DOK7: variants seen among roughly 807,000 people sequenced by gnomAD.
DOK7 encodes the protein docking protein 7.
In DOK7, 32 loss-of-function variants were observed where a neutral mutation model predicts 30.7. The ratio of observed to expected loss-of-function variants is 1.04; its 90% confidence interval spans 0.79 to 1.40. DOK7 has a LOEUF of 1.40. Ranked by LOEUF, DOK7 falls within the 40% of genes most tolerant of loss-of-function variation. The pLI is 0.00. For synonymous variants in DOK7, 447 were observed against 324.1 expected (o/e 1.38, Z -4.07); for missense variants, 1,007 against 699.2 (o/e 1.44, Z -4.97).
At chr4:3,484,675 C>T (rs1577164330) in intron 4 of DOK7, 1 of 985,504 alleles carries the variant, frequency 1.0e-6, no homozygotes, top group Non-Finnish European at 1.2e-6. Flanking sequence ...CCCTGGGGGC[C>T]CTCCTGCTGC....
chr4:3,473,736 C>A, intron 3 of DOK7, 100 bp downstream of exon 3: 1 of 1,167,750 alleles, frequency 8.6e-7, no homozygotes, highest in Non-Finnish European at 1.2e-6. Flanking sequence ...CTCCAGGGAA[C>A]CGTGCAGGAA....
chr4:3,468,516 ATGAGTG>A (rs1306555298), intron 2 of DOK7, among the ~76,000 whole-genome samples: 1 of 106,812 alleles, frequency 9.4e-6, no homozygotes, highest in African/African-American at 3.9e-5. Flanking sequence ...GTGTGCGTGT[ATGAGTG>A]TGTGTGACTG....
chr4:3,476,653 T>TGGAAATG, intron 4 of DOK7, 111 bp downstream of exon 4: 1 of 1,406,628 alleles, frequency 7.1e-7, no homozygotes, highest in Non-Finnish European at 9.9e-7. Context: ...TGCTGGCATT[T>TGGAAATG]CCAGAATGCG....
At position 3,484,822 on chromosome 4, in the gene DOK7, C is replaced by T. The variant is rs114966369; in HGVS notation, c.533-717C>T. 1.6e-3 allele frequency: 1,578 copies of T among 985,480 alleles called. 20 individuals carry two copies. The African/African-American group carries it at 0.025, about 16-fold the overall frequency. The allele number at this position is 985,480 out of a possible 1,614,324, so 61.0% of individuals were successfully genotyped here. ...AGGACGCGGTGCTGGCCAGCAGTGACGGCTGCAGCATGTGTGGGCAGGTGC... is the reference window on the plus strand; with the variant it reads ...AGGACGCGGTGCTGGCCAGCAGTGATGGCTGCAGCATGTGTGGGCAGGTGC... On this transcript the variant is annotated intron_variant, in intron 4 of 6. Coordinates refer to ENST00000340083, the MANE Select transcript of DOK7 (RefSeq NM_173660.5).
chr4:3,494,223 C>T lies in DOK7; in HGVS notation c.*722C>T, dbSNP rs2699414. 0.11 allele frequency: 104,277 copies of T among 985,402 alleles called. 5,814 individuals are homozygous for T. Among genetic ancestry groups the T allele is most frequent in the East Asian group, 0.24 (2,115 of 8,782 alleles). The allele number at this position is 985,402 out of a possible 1,614,324, so 61.0% of individuals were successfully genotyped here. On this transcript the variant is annotated 3_prime_UTR_variant, in exon 7 of 7. Transcript: ENST00000340083. ...CCCCTGGTGGGAGCTCTGCTGGCTC[C>T]TGTCTGAACCTCCTCGCAGGGCCAA...
At chr4:3,482,677 G>A (rs59259292) in intron 4 of DOK7, among the ~76,000 whole-genome samples, 11,793 of 152,342 alleles carry the variant, frequency 0.077, 780 homozygotes, top group African/African-American at 0.18. Context: ...AATGGGGCAG[G>A]CCCTGTTCTC....
intron 7 of DOK7, chr4:3,500,478 C>T: frequency 1.3e-6 from 2 of 1,512,312 alleles, no homozygotes; most frequent in South Asian, 2.4e-5. Context: ...GAGCCCCCAG[C>T]CCCACCCAGC....
chr4:3,499,249 C>T (rs1729074929), downstream of DOK7, among the ~76,000 whole-genome samples: 1 of 152,188 alleles, frequency 6.6e-6, no homozygotes, highest in Non-Finnish European at 1.5e-5. Flanking sequence ...TCCCAGCCCC[C>T]ACCTGAATTC....
At chr4:3,485,108 G>C (rs1172856515) in intron 4 of DOK7, among the ~76,000 whole-genome samples, 1 of 152,168 alleles carries the variant, frequency 6.6e-6, no homozygotes, top group African/African-American at 2.4e-5. Flanking sequence ...AGTGCCTGCT[G>C]GGTGGCAGAG....
Position 3,489,776 on chromosome 4 carries a change from C to G in DOK7, c.752C>G (p.Ala251Gly), listed in dbSNP as rs376251309. The G allele has an allele frequency of 1.3e-6, 2 of 1,572,516 alleles. No individual in the cohort carries two copies. Among genetic ancestry groups the G allele is most frequent in the Non-Finnish European group, 8.6e-7 (1 of 1,158,704 alleles). The change falls in exon 6 of 7, where the codon GCG becomes GGG. Residue 251 changes from alanine (A) to glycine (G), a missense_variant. Physicochemically the swap from Ala to Gly is moderately conservative, Grantham distance 60. Transcript: ENST00000340083. ...LEKRLSLLSHAGRPGSGGDDR... is the reference protein window; with the variant it reads ...LEKRLSLLSHGGRPGSGGDDR... Reference sequence around the variant, plus strand: ...AAGCGGCTGAGCCTCCTCTCACATGCGGGCAGGCCGGGCAGTGGAGGTAGG... The same window carrying G: ...AAGCGGCTGAGCCTCCTCTCACATGGGGGCAGGCCGGGCAGTGGAGGTAGG...
At chr4:3,468,612 GCC>G (rs1726494324) in intron 2 of DOK7, among the ~76,000 whole-genome samples, 1 of 151,216 alleles carries the variant, frequency 6.6e-6, no homozygotes. Context: ...GTGTGTGCGT[GCC>G]TTTGTGTGTG....
rs566712486 is a variant in DOK7, at chr4:3,485,473, C to T, written c.533-66C>T. On this transcript the variant is annotated intron_variant, in intron 4 of 6. Coordinates refer to ENST00000340083, the MANE Select transcript of DOK7 (RefSeq NM_173660.5). ...GGAGTTTGCTGCGGTTTCCTGTGTTCCTCCTCTTCAGGGTCCCCAGCCCGC... is the reference window on the plus strand; with the variant it reads ...GGAGTTTGCTGCGGTTTCCTGTGTTTCTCCTCTTCAGGGTCCCCAGCCCGC... The T allele has an allele frequency of 5.0e-5, 72 of 1,436,884 alleles. 2 individuals are homozygous for T. The Admixed American group carries it at 1.5e-3, about 30-fold the overall frequency. 89.0% of individuals were successfully genotyped at this position (1,436,884 alleles called of 1,614,324 possible).
At chr4:3,484,428 C>T (rs937031245) in intron 4 of DOK7, 11 of 938,882 alleles carry the variant, frequency 1.2e-5, no homozygotes, top group Non-Finnish European at 1.3e-5. Flanking sequence ...CACCCCGGCG[C>T]CTTCCCTCCT....
intron 6 of DOK7, 48 bp from the exon 7 acceptor site, chr4:3,492,711 C>A: frequency 6.3e-7 from 1 of 1,591,536 alleles, no homozygotes; most frequent in Non-Finnish European, 8.5e-7. Flanking sequence ...ACGTCCTGCC[C>A]AGACCCCTGT....
At chr4:3,497,251 AGTCAGGGTTGGGGTCCAG>A (rs976668976), downstream of DOK7, among the ~76,000 whole-genome samples, 2 of 151,992 alleles carry the variant, frequency 1.3e-5, no homozygotes, top group African/African-American at 4.8e-5. Context: ...GCAGGAAGGC[AGTCAGGGTTGGGGTCCAG>A]GAGCCCCAGC....
chr4:3,476,250 C>CTGCCCACCCTCGATGCCCTCTCACCT (rs1727071136), intron 3 of DOK7, 92 bp from the exon 4 acceptor site: 1 of 622,866 alleles, frequency 1.6e-6, no homozygotes, highest in Non-Finnish European at 2.3e-6. Flanking sequence ...CCCTCTCACC[C>CTGCCCACCCTCGATGCCCTCTCACCT]CACCCGCCCG....
chr4:3,491,617 A>G (rs1402618263), intron 6 of DOK7, among the ~76,000 whole-genome samples: 2 of 152,312 alleles, frequency 1.3e-5, no homozygotes, highest in African/African-American at 4.8e-5. Flanking sequence ...GCTGACGGGA[A>G]AGGTGGTTCT....
chr4:3,494,987 ACT>A (rs1008730562), downstream of DOK7, among the ~76,000 whole-genome samples: 2 of 151,886 alleles, frequency 1.3e-5, no homozygotes, highest in Non-Finnish European at 2.9e-5. Context: ...TCAGGGACTG[ACT>A]CTGAGCGGGG....
chr4:3,497,984 G>C (rs759006938), downstream of DOK7, among the ~76,000 whole-genome samples: 29 of 152,196 alleles, frequency 1.9e-4, no homozygotes, highest in Non-Finnish European at 3.1e-4. Context: ...ACAGGTGTGG[G>C]GATCAAGGGG....
Sources: gnomAD v4.1 joint callset for allele counts (sites outside exome capture counted in the v4.1 genomes callset) on GRCh38, gnomAD v4.1.1 for gene constraint, MANE v1.5 for transcripts, NCBI Gene and HGNC (gene_info 2026-07-23, HGNC 2026-07-21) for gene names.